Variants in SGCZ observed in about 807,000 individuals in gnomAD.
The protein encoded by SGCZ is sarcoglycan zeta, also known as zeta-sarcoglycan.
SGCZ carries 40 observed loss-of-function variants against 41.3 expected under a neutral mutation model. That is an observed-to-expected ratio of 0.97 (90% CI 0.75 to 1.26). The LOEUF (loss-of-function observed/expected upper bound fraction) is 1.26, where lower values mean the gene tolerates loss of function less well. SGCZ is among the 50% of genes most tolerant of loss of function. The pLI, the probability that SGCZ is intolerant of heterozygous loss-of-function variation, is 0.00. For missense variants in SGCZ, 552 were observed against 369.8 expected (o/e 1.49, Z -4.04); for synonymous variants, 206 against 137.5 (o/e 1.50, Z -3.49).
At chr8:15,058,218 G>A (rs1354453134) in intron 1 of SGCZ, among the ~76,000 whole-genome samples, 1 of 151,976 alleles carries the variant, frequency 6.6e-6, no homozygotes, top group Non-Finnish European at 1.5e-5. Flanking sequence ...AAAAGGGGTG[G>A]AACCATAGCT....
At chr8:15,027,040 C>T (rs4631467) in intron 1 of SGCZ, among the ~76,000 whole-genome samples, 131,991 of 152,136 alleles carry the variant, frequency 0.87, 57,649 homozygotes, top group East Asian at 1. Flanking sequence ...ATTATTGTTT[C>T]GTACCTGAAA....
At chr8:14,917,605 C>G (rs1190308349) in intron 1 of SGCZ, among the ~76,000 whole-genome samples, 1 of 151,912 alleles carries the variant, frequency 6.6e-6, no homozygotes, top group Admixed American at 6.6e-5. Flanking sequence ...AGAAACTGAC[C>G]AACCAAACAC....
At chr8:14,500,098 G>A (rs1402075504) in intron 2 of SGCZ, among the ~76,000 whole-genome samples, 2 of 152,048 alleles carry the variant, frequency 1.3e-5, no homozygotes, top group Admixed American at 6.6e-5. Context: ...AGGGGAATTC[G>A]CTAATTGGTA....
intron 1 of SGCZ, among the ~76,000 whole-genome samples, chr8:14,602,055 G>T (rs530998899): frequency 6.6e-6 from 1 of 152,104 alleles, no homozygotes; most frequent in Admixed American, 6.5e-5. Flanking sequence ...GGGAGGCGGA[G>T]CTTGCAGTGA....
intron 1 of SGCZ, among the ~76,000 whole-genome samples, chr8:14,667,488 G>C (rs139784219): frequency 6.6e-6 from 1 of 152,102 alleles, no homozygotes; most frequent in African/African-American, 2.4e-5. Context: ...TTAACTTCCA[G>C]AGAAATGCAT....
intron 2 of SGCZ, among the ~76,000 whole-genome samples, chr8:14,463,746 T>C (rs146551005): frequency 1.6e-4 from 24 of 151,860 alleles, no homozygotes; most frequent in African/African-American, 5.3e-4. Context: ...TAAATTGATG[T>C]TTGCTGTTTT....
intron 1 of SGCZ, among the ~76,000 whole-genome samples, chr8:14,833,846 A>G (rs1802610099): frequency 6.6e-6 from 1 of 152,152 alleles, no homozygotes; most frequent in African/African-American, 2.4e-5. Flanking sequence ...TGTTAAATTA[A>G]ATCAACTGAA....
chr8:15,155,849 G>A (rs189076675), intron 1 of SGCZ, among the ~76,000 whole-genome samples: 2 of 152,196 alleles, frequency 1.3e-5, no homozygotes, highest in African/African-American at 2.4e-5. Flanking sequence ...CCTGAGCTCA[G>A]GAGCTCGAGA....
At chr8:14,953,507 A>G (rs938306857) in intron 1 of SGCZ, among the ~76,000 whole-genome samples, 15 of 152,172 alleles carry the variant, frequency 9.9e-5, no homozygotes, top group African/African-American at 3.6e-4. Flanking sequence ...CTCAGAAAAC[A>G]TCCAAAGATG....
intron 1 of SGCZ, among the ~76,000 whole-genome samples, chr8:15,031,991 C>A (rs565664876): frequency 2.0e-5 from 3 of 151,300 alleles, no homozygotes; most frequent in Admixed American, 6.6e-5. Context: ...TTTGCATACA[C>A]CAAATGTCGG....
chr8:14,134,302 C>T (rs565707233), intron 5 of SGCZ, among the ~76,000 whole-genome samples: 78 of 152,150 alleles, frequency 5.1e-4, no homozygotes, highest in African/African-American at 1.3e-3. Context: ...AATTTTTGTC[C>T]TCCAGAACAT....
At chr8:14,894,698 A>C (rs548039273) in intron 1 of SGCZ, among the ~76,000 whole-genome samples, 135 of 152,338 alleles carry the variant, frequency 8.9e-4, no homozygotes, top group African/African-American at 3.1e-3. Flanking sequence ...AAATGAAATA[A>C]AAGCTTTGTT....
intron 1 of SGCZ, among the ~76,000 whole-genome samples, chr8:15,008,858 T>A (rs948068830): frequency 5.3e-5 from 8 of 151,234 alleles, no homozygotes; most frequent in Non-Finnish European, 1.0e-4. Flanking sequence ...AACTTGAAAC[T>A]GACAATTTTA....
intron 1 of SGCZ, among the ~76,000 whole-genome samples, chr8:14,718,895 C>A (rs1002761502): frequency 1.4e-5 from 2 of 145,004 alleles, no homozygotes; most frequent in African/African-American, 2.6e-5. Flanking sequence ...GGCACATGTG[C>A]ACCATGTGCA....
intron 3 of SGCZ, among the ~76,000 whole-genome samples, chr8:14,301,376 A>AC (rs1427052026): frequency 6.6e-6 from 1 of 151,990 alleles, no homozygotes; most frequent in Non-Finnish European, 1.5e-5. Context: ...AAATCACAAA[A>AC]AAAAACAAAC....
chr8:15,016,344 T>A (rs1270883824), intron 1 of SGCZ, among the ~76,000 whole-genome samples: 1 of 152,180 alleles, frequency 6.6e-6, no homozygotes, highest in Non-Finnish European at 1.5e-5. Flanking sequence ...ACACAGCAGA[T>A]GCTAAGCCAC....
At chr8:15,027,159 A>T (rs1282400517) in intron 1 of SGCZ, among the ~76,000 whole-genome samples, 3 of 152,182 alleles carry the variant, frequency 2.0e-5, no homozygotes, top group Non-Finnish European at 2.9e-5. Flanking sequence ...CCTCTCAACA[A>T]GCATCTTTGG....
In SGCZ at chr8:14,085,036, C is replaced by G. The variant is rs1185880491; in HGVS notation, c.*5407G>C. 1.3e-5 allele frequency among the ~76,000 whole-genome samples: 2 copies of G among 151,598 alleles called. No homozygotes were observed. Among genetic ancestry groups the G allele is most frequent in the Non-Finnish European group, 3.0e-5 (2 of 67,778 alleles). On this transcript the variant is annotated 3_prime_UTR_variant, in exon 8 of 8. Coordinates refer to ENST00000382080, the MANE Select transcript of SGCZ (RefSeq NM_139167.4). The stretch of plus-strand genomic sequence containing the variant: ...AAACTTTGCTGCATTTTCTCTCCCC[C>G]AAAATATACCCCAATTAAGTTCCAT...
intron 2 of SGCZ, among the ~76,000 whole-genome samples, chr8:14,373,528 G>A (rs151024203): frequency 1.3e-5 from 2 of 152,070 alleles, no homozygotes; most frequent in African/African-American, 4.8e-5. Context: ...AAATTATTAG[G>A]TTCAATCAGG....
Sources: allele counts gnomAD v4.1 joint callset (sites outside exome capture counted in the v4.1 genomes callset), GRCh38; gene constraint gnomAD v4.1.1; transcripts MANE v1.5; gene names NCBI Gene and HGNC (gene_info 2026-07-23, HGNC 2026-07-21).